The following KBTBD11 variants were observed in gnomAD, a reference collection of about 807,000 sequenced individuals.
KBTBD11 encodes the protein kelch repeat and BTB domain containing 11.
For synonymous variants in KBTBD11, 747 were observed against 499.0 expected (o/e 1.50, Z -6.63); for missense variants, 1,390 against 1,001.8 (o/e 1.39, Z -5.23).
chr8:1,991,607 G>A (rs1438461337), intron 1 of KBTBD11, among the ~76,000 whole-genome samples: 1 of 151,358 alleles, frequency 6.6e-6, no homozygotes, highest in Non-Finnish European at 1.5e-5. Context: ...ATCGCCAGAG[G>A]CTTTGCTCTC....
At position 2,002,895 on chromosome 8, in the gene KBTBD11, C is replaced by A; in HGVS notation, c.1703C>A (p.Ala568Glu). Residue 568 changes from alanine (A) to glutamate (E), a missense_variant, in exon 2 of 2, where the codon GCG becomes GAG. Physicochemically the swap from Ala to Glu is moderately radical, Grantham distance 107 (BLOSUM62 -1). Transcript: ENST00000320248. This position sits in a 1 kb window ranked among gnomAD's most constrained non-coding sequence, Gnocchi z 4.1. ...LDGAIYCVSR[A>E]GTWRFQPARE... ...GGCGCCATCTACTGCGTGAGCCGCG[C>A]GGGCACCTGGCGCTTCCAGCCTGCC... 7.6e-7 allele frequency: 1 copy of A among 1,321,874 alleles called. No homozygotes were observed. The highest frequency in any genetic ancestry group is 9.6e-7 in the Non-Finnish European group (1 of 1,039,962). The allele number at this position is 1,321,874 out of a possible 1,614,324, so 81.9% of individuals were successfully genotyped here. A position where few individuals can be genotyped will look rare whatever the true frequency, so the allele number is the denominator to read the frequency against.
rs576433096 is a variant in KBTBD11, at chr8:1,992,464, C to G, written c.-908-7821C>G. ...TGGAGGCTTTTTCTTAAATTGGAAG[C>G]GGGGGTGGGGTGGGAAACACTGGCT... On this transcript the variant is annotated intron_variant, in intron 1 of 1. Coordinates refer to ENST00000320248, the MANE Select transcript of KBTBD11 (RefSeq NM_014867.3). Among the ~76,000 whole-genome samples, 81 of 151,836 alleles carry G rather than the reference C, an allele frequency of 5.3e-4. 1 individual carries two copies. In the South Asian group the frequency reaches 0.013, roughly 25 times the overall value.
chr8:1,989,276 C>A (rs6558571), intron 1 of KBTBD11, among the ~76,000 whole-genome samples: 9 of 152,206 alleles, frequency 5.9e-5, no homozygotes, highest in Admixed American at 3.9e-4. Flanking sequence ...AAGATTTGTA[C>A]TCCTCTGAAT....
intron 1 of KBTBD11, among the ~76,000 whole-genome samples, chr8:1,993,480 T>A (rs1287578200): frequency 7.2e-6 from 1 of 139,052 alleles, no homozygotes; most frequent in African/African-American, 2.6e-5. Flanking sequence ...TATCCATCCA[T>A]CTATCCGTCC....
intron 1 of KBTBD11, among the ~76,000 whole-genome samples, chr8:1,981,971 C>G (rs889510067): frequency 6.6e-6 from 1 of 152,204 alleles, no homozygotes; most frequent in African/African-American, 2.4e-5. Flanking sequence ...GCCAGTTCCC[C>G]TAGCAAATCC....
intron 1 of KBTBD11, 79 bp downstream of exon 1, chr8:1,974,014 G>T: frequency 6.2e-6 from 6 of 972,656 alleles, no homozygotes; most frequent in Non-Finnish European, 7.3e-6. Context: ...GTCGGAGGGG[G>T]CGGCGGGTGG....
At chr8:1,982,384 G>A (rs1051812989) in intron 1 of KBTBD11, among the ~76,000 whole-genome samples, 1 of 152,042 alleles carries the variant, frequency 6.6e-6, no homozygotes, top group African/African-American at 2.4e-5. Flanking sequence ...AAGAAAATGG[G>A]AATAGTAAGT....
intron 1 of KBTBD11, among the ~76,000 whole-genome samples, chr8:1,985,606 C>T (rs749213520): frequency 1.8e-4 from 27 of 152,266 alleles, no homozygotes; most frequent in Non-Finnish European, 4.0e-4. Context: ...TCTCTCATCT[C>T]ACCCCGAACA....
chr8:1,981,902 C>T (rs763081109), intron 1 of KBTBD11, among the ~76,000 whole-genome samples: 2 of 152,196 alleles, frequency 1.3e-5, no homozygotes, highest in Non-Finnish European at 2.9e-5. Flanking sequence ...ACTGGCTTCT[C>T]TGGTTCTCCA....
At chr8:1,987,412 A>T (rs1816741782) in intron 1 of KBTBD11, among the ~76,000 whole-genome samples, 1 of 152,180 alleles carries the variant, frequency 6.6e-6, no homozygotes, top group South Asian at 2.1e-4. Flanking sequence ...AAAAGGACAC[A>T]AAGCAATCTT....
intron 1 of KBTBD11, among the ~76,000 whole-genome samples, chr8:1,982,368 A>G (rs1816566142): frequency 6.6e-6 from 1 of 152,192 alleles, no homozygotes; most frequent in South Asian, 2.1e-4. Context: ...CAACCAGAAA[A>G]CAATTAAGAA....
rs1817568192 is a variant in KBTBD11, at chr8:2,006,166, T to C, written c.*3102T>C. ...CTACAAATAAGTAAGAAATTAATCA[T>C]CTGCTCTGTTTCTGCTAATTTCTGG... On this transcript the variant is annotated 3_prime_UTR_variant, in exon 2 of 2. Transcript: ENST00000320248. The C allele has an allele frequency of 6.0e-6, 1 of 167,118 alleles. No individual in the cohort carries two copies. Among genetic ancestry groups the C allele is most frequent in the Non-Finnish European group, 1.5e-5 (1 of 68,122 alleles). The allele number at this position is 167,118 out of a possible 1,614,324, so 10.4% of individuals were successfully genotyped here.
At chr8:1,998,387 A>G (rs755003372) in intron 1 of KBTBD11, among the ~76,000 whole-genome samples, 11 of 152,158 alleles carry the variant, frequency 7.2e-5, no homozygotes, top group Admixed American at 1.3e-4. Context: ...CAAAATGTAT[A>G]CTTATCAAAC....
At chr8:1,990,509 C>T (rs1445334217) in intron 1 of KBTBD11, among the ~76,000 whole-genome samples, 1 of 82,502 alleles carries the variant, frequency 1.2e-5, no homozygotes, top group Non-Finnish European at 2.4e-5. Context: ...GTAGATGCTG[C>T]GGGGCCTTGG....
Position 2,002,098 on chromosome 8 carries a change from G to T in KBTBD11, c.906G>T (p.Gly302=). The T allele has an allele frequency of 2.7e-6, 3 of 1,091,030 alleles. No individual in the cohort carries two copies. The highest frequency in any genetic ancestry group is 3.3e-6 in the Non-Finnish European group (3 of 901,136). 67.6% of individuals were successfully genotyped at this position (1,091,030 alleles called of 1,614,324 possible). ...CCCACCTCTTGGCCGCGGCGCTCGG[G>T]CCGGCGGGGGAGCGCGCGGGCAGCC... ...GRAHLLAAAL[G]PAGERAGSRP... The change falls in exon 2 of 2, where the codon GGG becomes GGT. Residue 302 remains glycine (G), a synonymous_variant. Transcript: ENST00000320248. This position sits in a 1 kb window ranked among gnomAD's most constrained non-coding sequence, Gnocchi z 4.1.
intron 1 of KBTBD11, among the ~76,000 whole-genome samples, chr8:1,978,393 T>C (rs1014311910): frequency 1.3e-5 from 2 of 152,270 alleles, no homozygotes; most frequent in African/African-American, 4.8e-5. Context: ...GGCCACTGAC[T>C]TGCTGCCTGA....
intron 1 of KBTBD11, among the ~76,000 whole-genome samples, chr8:1,994,780 C>G (rs914937211): frequency 6.6e-6 from 1 of 152,120 alleles, no homozygotes; most frequent in Admixed American, 6.5e-5. Context: ...TAAAAGAGGC[C>G]AGGCGTGGTG....
chr8:2,001,660 G>C lies in KBTBD11; in HGVS notation c.468G>C (p.Ala156=). 6.8e-7 allele frequency: 1 copy of C among 1,468,638 alleles called. No individual in the cohort carries two copies. The highest frequency in any genetic ancestry group is 9.0e-7 in the Non-Finnish European group (1 of 1,115,080). 91.0% of individuals were successfully genotyped at this position (1,468,638 alleles called of 1,614,324 possible). The change falls in exon 2 of 2, where the codon GCG becomes GCC. Residue 156 remains alanine (A), a synonymous_variant. Transcript: ENST00000320248. The part of the protein sequence containing the change: ...VSGRRLRAHK[A]VLAARSDYFR... ...GGCGCCGGCTGCGCGCGCACAAGGC[G>C]GTGCTGGCGGCGCGCAGCGACTACT...
intron 1 of KBTBD11, among the ~76,000 whole-genome samples, chr8:1,984,740 T>C (rs35285331): frequency 0.024 from 3,713 of 152,196 alleles, 166 homozygotes; most frequent in African/African-American, 0.085. Context: ...TGGCAGACTT[T>C]TGAAACAAAC....
Sources: allele counts gnomAD v4.1 joint callset (sites outside exome capture counted in the v4.1 genomes callset), GRCh38; gene constraint gnomAD v4.1.1; non-coding constraint Gnocchi (gnomAD v3.1); transcripts MANE v1.5; gene names NCBI Gene and HGNC (gene_info 2026-07-23, HGNC 2026-07-21).